Variants in PLCG2 observed in about 807,000 individuals in gnomAD.
PLCG2 encodes 1-phosphatidylinositol 4,5-bisphosphate phosphodiesterase gamma-2.
Under a neutral mutation model 175.6 loss-of-function variants are expected in PLCG2, and 69 were observed. The ratio of observed to expected loss-of-function variants is 0.39; its 90% CI spans 0.32 to 0.48. The LOEUF is 0.48. PLCG2 is among the 20% of genes least tolerant of loss of function. PLCG2 has a pLI of 0.91. For synonymous variants in PLCG2, 827 were observed against 624.0 expected, an observed-to-expected ratio of 1.33 and a Z score of -4.85; for missense variants, 1,798 against 1,650.9, an observed-to-expected ratio of 1.09 and a Z score of -1.54.
chr16:81,895,204 G>T (rs1431680114), intron 12 of PLCG2, among the ~76,000 whole-genome samples: 2 of 152,174 alleles, frequency 1.3e-5, no homozygotes, highest in Non-Finnish European at 2.9e-5. Context: ...GGGCAGAAAA[G>T]GCAGTCAAGG....
rs146281595 is a variant in PLCG2 at position 81,759,751 on chromosome 16, G to T, written c.-48+3785G>T. On this transcript the variant is annotated intron_variant, in intron 2 of 5. Transcript: ENST00000565054. ...ATACTTGTCAAATTTCCCTTAAATT[G>T]TACGTTACCCATTGCACTGAGCACT... 5.9e-5 allele frequency among the ~76,000 whole-genome samples: 9 copies of T among 152,326 alleles called. No homozygotes were observed. The East Asian group carries it at 1.7e-3, about 29-fold the overall frequency.
At chr16:81,878,883 T>G (rs1907944346) in intron 7 of PLCG2, among the ~76,000 whole-genome samples, 1 of 152,150 alleles carries the variant, frequency 6.6e-6, no homozygotes. Flanking sequence ...TCTGTCCTGC[T>G]CTGCGTCCCA....
chr16:81,818,642 C>T (rs551151960), intron 2 of PLCG2, among the ~76,000 whole-genome samples: 8 of 152,170 alleles, frequency 5.3e-5, no homozygotes, highest in East Asian at 1.9e-4. Context: ...GCCAACTAGC[C>T]GGGCATACCT....
At chr16:81,766,040 A>G (rs562827439) in intron 2 of PLCG2, among the ~76,000 whole-genome samples, 13 of 152,308 alleles carry the variant, frequency 8.5e-5, no homozygotes, top group Admixed American at 1.3e-4. Context: ...AACTTTGTAA[A>G]TGAGGCTTAG....
chr16:81,887,091 T>A (rs755505954), intron 9 of PLCG2, among the ~76,000 whole-genome samples: 28 of 151,824 alleles, frequency 1.8e-4, no homozygotes, highest in Non-Finnish European at 2.6e-4. Context: ...CTCCAGCCTC[T>A]TTGGGACATC....
chr16:81,824,825 T>A (rs952580304), intron 2 of PLCG2, among the ~76,000 whole-genome samples: 1 of 152,194 alleles, frequency 6.6e-6, no homozygotes, highest in Non-Finnish European at 1.5e-5. Flanking sequence ...TGTTACATTA[T>A]GTGGCAAAGG....
rs1187780050 is a variant in PLCG2, at chr16:81,891,492, A to T, written c.888A>T (p.Ser296=). ...FVDEFLTYLF[S]RENSIWDEKY... is the part of the protein sequence containing the mutation. ...TTTAGTTCCTCACGTACCTGTTTTC[A>T]CGAGAAAACAGCATCTGGGATGAGA... The change falls in exon 11 of 33, where the codon TCA becomes TCT. Residue 296 remains serine (S), a synonymous_variant. Transcript: ENST00000564138. 1.0e-5 allele frequency: 16 copies of T among 1,600,044 alleles called. No individual in the cohort carries two copies. Among genetic ancestry groups the T allele is most frequent in the Non-Finnish European group, 1.4e-5 (16 of 1,167,122 alleles).
chr16:81,775,290 G>A (rs1910375025), upstream of PLCG2, among the ~76,000 whole-genome samples: 1 of 152,100 alleles, frequency 6.6e-6, no homozygotes, highest in South Asian at 2.1e-4. Context: ...TTCTGTCTCT[G>A]TAGATTTGCT....
chr16:81,863,897 T>C (rs1305556206), intron 5 of PLCG2, among the ~76,000 whole-genome samples: 1 of 152,162 alleles, frequency 6.6e-6, no homozygotes, highest in African/African-American at 2.4e-5. Context: ...GGTGAGTCCA[T>C]TTATCTCATT....
intron 1 of PLCG2, among the ~76,000 whole-genome samples, chr16:81,746,855 T>C (rs1047427601): frequency 6.6e-6 from 1 of 152,190 alleles, no homozygotes; most frequent in African/African-American, 2.4e-5. Flanking sequence ...AGATGTGCTT[T>C]GTAACCAGGA....
chr16:81,772,225 A>T (rs962905076), intron 2 of PLCG2, among the ~76,000 whole-genome samples: 2 of 152,182 alleles, frequency 1.3e-5, no homozygotes, highest in Non-Finnish European at 2.9e-5. Flanking sequence ...GCAGAGGGCC[A>T]TGAGAAGACA....
chr16:81,837,925 T>A (rs1905610599), intron 2 of PLCG2, among the ~76,000 whole-genome samples: 1 of 152,130 alleles, frequency 6.6e-6, no homozygotes, highest in Non-Finnish European at 1.5e-5. Context: ...TTTCCCCCAT[T>A]TTCCTTGTAC....
chr16:81,886,924 T>G (rs985620158), intron 9 of PLCG2, among the ~76,000 whole-genome samples: 4 of 152,206 alleles, frequency 2.6e-5, no homozygotes, highest in African/African-American at 7.2e-5. Context: ...CTACACCAAG[T>G]GGATGCATTT....
chr16:81,937,702 TA>T, intron 27 of PLCG2, 55 bp from the exon 28 acceptor site: 1 of 1,539,558 alleles, frequency 6.5e-7, no homozygotes, highest in Non-Finnish European at 8.9e-7. Context: ...ACTCCTGGCC[TA>T]GGGGGCCAGC....
chr16:81,770,859 C>A (rs1910263627), intron 2 of PLCG2, among the ~76,000 whole-genome samples: 2 of 152,060 alleles, frequency 1.3e-5, no homozygotes, highest in South Asian at 4.1e-4. Context: ...GAGATCGAGA[C>A]CATCCTGGCT....
intron 9 of PLCG2, 84 bp downstream of exon 9, chr16:81,883,425 C>T (rs1293061808): frequency 1.9e-5 from 21 of 1,078,348 alleles, no homozygotes; most frequent in Admixed American, 5.5e-5. Context: ...CGCCTGTGCT[C>T]ACCTGGTCAC....
Position 81,849,794 on chromosome 16 carries a change from A to C in PLCG2, c.194-4650A>C, listed in dbSNP as rs1320156461. Among the ~76,000 whole-genome samples the C allele has an allele frequency of 2.7e-5, 4 of 147,986 alleles. No homozygotes were observed. In the Admixed American group the frequency reaches 2.7e-4, roughly 10 times the overall value. ...CTCAAAAAAAAAAAAAAAAAAAAAA[A>C]AAACCAAAAAAATTCCCTCTTGAAG... On this transcript the variant is annotated intron_variant, in intron 2 of 32. Coordinates refer to ENST00000564138, the MANE Select transcript of PLCG2 (RefSeq NM_002661.5).
chr16:81,851,419 C>T (rs1238101219), intron 2 of PLCG2, among the ~76,000 whole-genome samples: 1 of 152,212 alleles, frequency 6.6e-6, no homozygotes, highest in African/African-American at 2.4e-5. Context: ...TCTACGAAAT[C>T]TTGTCACGTG....
intron 2 of PLCG2, among the ~76,000 whole-genome samples, chr16:81,820,903 A>G (rs1285801156): frequency 6.6e-6 from 1 of 151,328 alleles, no homozygotes; most frequent in Non-Finnish European, 1.5e-5. Flanking sequence ...TTACAGGTGC[A>G]CACCATCATG....
Sources: gnomAD v4.1 joint callset for allele counts (sites outside exome capture counted in the v4.1 genomes callset) on GRCh38, gnomAD v4.1.1 for gene constraint, MANE v1.5 for transcripts, NCBI Gene and HGNC (gene_info 2026-07-23, HGNC 2026-07-21) for gene names.